Variants in CCDC88A observed in about 807,000 individuals in gnomAD.
CCDC88A encodes the protein coiled-coil and HOOK domain protein 88A, also known as girdin.
CCDC88A carries 54 observed loss-of-function variants against 234.3 expected under a neutral mutation model. That is an observed-to-expected ratio of 0.23 (90% CI 0.19 to 0.29). The LOEUF (loss-of-function observed/expected upper bound fraction) is 0.29. Ranked by LOEUF, CCDC88A falls within the 10% of genes least tolerant of loss-of-function variation. The probability of loss-of-function intolerance (pLI) is 1.00; values close to 1 mark genes in which losing one functional copy is unlikely to be tolerated. For missense variants in CCDC88A, 1,832 were observed against 2,123.4 expected, an observed-to-expected ratio of 0.86 and a Z score of 2.70; for synonymous variants, 753 against 737.8, an observed-to-expected ratio of 1.02 and a Z score of -0.33.
At chr2:55,382,436 G>A (rs1674743839) in intron 3 of CCDC88A, among the ~76,000 whole-genome samples, 1 of 152,066 alleles carries the variant, frequency 6.6e-6, no homozygotes, top group Non-Finnish European at 1.5e-5. Context: ...GAACAACAAT[G>A]TTCTTCATTT....
chr2:55,303,044 A>G (rs1386468780), intron 26 of CCDC88A, 25 bp downstream of exon 26: 1 of 1,416,688 alleles, frequency 7.1e-7, no homozygotes, highest in Admixed American at 2.0e-5. Flanking sequence ...CAGTTGAAAG[A>G]AGCTGAACTG....
At chr2:55,294,866 A>G in intron 31 of CCDC88A, 2 of 1,055,078 alleles carry the variant, frequency 1.9e-6, no homozygotes, top group Non-Finnish European at 2.3e-6. Flanking sequence ...AGTAATTAAT[A>G]TTTCATGCAG....
rs768481025 is a variant in CCDC88A at position 55,335,094 on chromosome 2, A to T, written c.1727T>A (p.Ile576Lys). 1 of 1,601,552 alleles carries T rather than the reference A, an allele frequency of 6.2e-7. No individual in the cohort carries two copies. Among genetic ancestry groups the T allele is most frequent in the South Asian group, 1.1e-5 (1 of 87,942 alleles). The change falls in exon 15 of 33, where the codon ATA becomes AAA. Residue 576 changes from isoleucine to lysine, a missense_variant. By Grantham distance (102) the Ile-to-Lys change is moderately radical. Transcript: ENST00000436346. The surrounding 1 kb of genome is among the most constrained non-coding windows in gnomAD (Gnocchi z 4.5). ...TVSSLRQRSQ[I>K]SAEARVKDIE... is the part of the protein sequence containing the mutation. ...GTCTTTCACTCTTGCTTCTGCACTT[A>T]TCTGGGACCGCTGCCTTAAGGAAGA...
At position 55,334,585 on chromosome 2, in the gene CCDC88A, C is replaced by A; in HGVS notation, c.2236G>T (p.Ala746Ser). The A allele has an allele frequency of 6.2e-7, 1 of 1,613,318 alleles. No individual in the cohort carries two copies. Among genetic ancestry groups the A allele is most frequent in the East Asian group, 2.2e-5 (1 of 44,826 alleles). The change falls in exon 15 of 33, where the codon GCA becomes TCA. Residue 746 changes from alanine to serine, a missense_variant. Transcript: ENST00000436346. The surrounding 1 kb of genome is among the most constrained non-coding windows in gnomAD (Gnocchi z 6.1). ...AAGCGTTCTGTTTTCTTGAAAGATG[C>A]TTTCAGGAGCTCCAAACCCTTCTTA... Reference protein sequence around the residue: ...QLKKGLELLKASFKKTERLEV... With the variant: ...QLKKGLELLKSSFKKTERLEV...
At chr2:55,379,187 T>C (rs1327907232) in intron 3 of CCDC88A, among the ~76,000 whole-genome samples, 7 of 152,190 alleles carry the variant, frequency 4.6e-5, no homozygotes, top group South Asian at 2.1e-4. Context: ...TATATCATCA[T>C]AGACTCCCCA....
At chr2:55,295,358 A>G in intron 31 of CCDC88A, 1 of 1,528,372 alleles carries the variant, frequency 6.5e-7, no homozygotes, top group Non-Finnish European at 8.8e-7. Flanking sequence ...GCTGAGATGA[A>G]TGGGCCACAG....
chr2:55,389,531 T>C (rs965759559), intron 2 of CCDC88A, among the ~76,000 whole-genome samples: 4 of 152,110 alleles, frequency 2.6e-5, no homozygotes, highest in South Asian at 2.1e-4. Context: ...AGAAACTGAA[T>C]AGAAACGCCT....
Position 55,332,473 on chromosome 2 carries a change from A to T in CCDC88A, c.2855+93T>A. ...GAACCAGAAATAGGGTGAAATATAT[A>T]AATGTTTTCTATAGCTAGTACAGAA... On this transcript the variant is annotated intron_variant, in intron 16 of 32. Coordinates refer to ENST00000436346, the MANE Select transcript of CCDC88A (RefSeq NM_001365480.1). The surrounding 1 kb of genome is among the most constrained non-coding windows in gnomAD (Gnocchi z 4.5). The T allele has an allele frequency of 2.0e-6, 3 of 1,496,996 alleles. No homozygotes were observed. The South Asian group carries it at 4.1e-5, about 21-fold the overall frequency. 92.7% of individuals were successfully genotyped at this position (1,496,996 alleles called of 1,614,324 possible). A position where few individuals can be genotyped will look rare whatever the true frequency, so the allele number is the denominator to read the frequency against.
At chr2:55,377,728 G>A (rs1041920325) in intron 3 of CCDC88A, among the ~76,000 whole-genome samples, 1 of 151,840 alleles carries the variant, frequency 6.6e-6, no homozygotes, top group Non-Finnish European at 1.5e-5. Context: ...TCCTGTTTAG[G>A]CCTCCTGAGT....
chr2:55,325,266 T>A (rs1466122362), intron 17 of CCDC88A, among the ~76,000 whole-genome samples: 1 of 152,238 alleles, frequency 6.6e-6, no homozygotes. Context: ...TTGCACACAT[T>A]TCCTTAAATT....
chr2:55,312,179 T>A (rs1293871287), intron 23 of CCDC88A, among the ~76,000 whole-genome samples: 1 of 152,232 alleles, frequency 6.6e-6, no homozygotes, highest in Non-Finnish European at 1.5e-5. Flanking sequence ...CTCCTACATA[T>A]ACTTCCATTA....
Position 55,353,335 on chromosome 2 carries a change from A to G in CCDC88A, c.800+2244T>C, listed in dbSNP as rs1459417192. On this transcript the variant is annotated intron_variant, in intron 8 of 32. Transcript: ENST00000436346. ...AATTATATGGAGCAAACTAGTGTTC[A>G]CTATTTAGACTATCCATTAACTGCC... is the stretch of plus-strand genomic sequence containing the variant. Among the ~76,000 whole-genome samples the G allele has an allele frequency of 2.0e-5, 3 of 152,312 alleles. No homozygotes were observed. The South Asian group carries it at 6.2e-4, about 32-fold the overall frequency.
At chr2:55,403,939 T>C (rs1369980593) in intron 2 of CCDC88A, 1 of 152,228 alleles carries the variant, frequency 6.6e-6, no homozygotes, top group East Asian at 1.9e-4. Flanking sequence ...ATCAGTATTC[T>C]GGAGTAGTAA....
intron 6 of CCDC88A, among the ~76,000 whole-genome samples, chr2:55,362,987 C>G (rs946662717): frequency 6.6e-6 from 1 of 151,906 alleles, no homozygotes; most frequent in Non-Finnish European, 1.5e-5. Flanking sequence ...CAGTGTAATT[C>G]TAATAACTTG....
intron 12 of CCDC88A, among the ~76,000 whole-genome samples, chr2:55,342,896 C>G (rs981109028): frequency 6.6e-6 from 1 of 152,052 alleles, no homozygotes; most frequent in Non-Finnish European, 1.5e-5. Flanking sequence ...GCAAGTAGAA[C>G]AATCTAATAC....
chr2:55,332,781 T>A lies in CCDC88A; in HGVS notation c.2728-88A>T. ...AGCTAAGATTCTAATTACCACCATC[T>A]AGGAATACATGTAATTTGAACCAGG... On this transcript the variant is annotated intron_variant, in intron 15 of 32. Coordinates refer to ENST00000436346, the MANE Select transcript of CCDC88A (RefSeq NM_001365480.1). The surrounding 1 kb of genome is among the most constrained non-coding windows in gnomAD (Gnocchi z 4.5). 9.2e-7 allele frequency: 1 copy of A among 1,089,258 alleles called. No homozygotes were observed. The highest frequency in any genetic ancestry group is 2.4e-5 in the East Asian group (1 of 41,622). The allele number at this position is 1,089,258 out of a possible 1,614,324, so 67.5% of individuals were successfully genotyped here.
At chr2:55,387,985 A>G (rs986852202) in intron 3 of CCDC88A, among the ~76,000 whole-genome samples, 2 of 152,010 alleles carry the variant, frequency 1.3e-5, no homozygotes, top group Non-Finnish European at 2.9e-5. Context: ...ATAACTAATC[A>G]CTCAAAAGAC....
chr2:55,400,229 T>C (rs895457352), intron 2 of CCDC88A, among the ~76,000 whole-genome samples: 3 of 152,204 alleles, frequency 2.0e-5, no homozygotes, highest in Non-Finnish European at 2.9e-5. Context: ...TTCTAAAGAA[T>C]GTATCTTTGG....
In CCDC88A at chr2:55,301,211, A is replaced by G. The variant is rs1039900581; in HGVS notation, c.4739T>C (p.Val1580Ala). 2.5e-6 allele frequency: 4 copies of G among 1,575,184 alleles called. No homozygotes were observed. The highest frequency in any genetic ancestry group is 2.3e-5 in the East Asian group (1 of 44,228). Residue 1580 changes from valine (V) to alanine (A), a missense_variant, in exon 28 of 33, where the codon GTT (valine) becomes GCT (alanine). Transcript: ENST00000436346. ...AATAAGGTTCATTATCTTACCATGA[A>G]CTCTTGATCCCGTACTAGAATCATC... The part of the protein sequence containing the change: ...VSDDSSTGSR[V>A]HASRPASLDS...
Sources: gnomAD v4.1 joint callset for allele counts (sites outside exome capture counted in the v4.1 genomes callset) on GRCh38, gnomAD v4.1.1 for gene constraint, Gnocchi (gnomAD v3.1) non-coding constraint, MANE v1.5 for transcripts, NCBI Gene and HGNC (gene_info 2026-07-23, HGNC 2026-07-21) for gene names.